Variants in MAN2A1 observed in about 807,000 individuals in gnomAD.
The protein encoded by MAN2A1 is mannosidase alpha class 2A member 1, also known as alpha-mannosidase 2.
In MAN2A1, 76 loss-of-function variants were observed where a neutral mutation model predicts 142.6. The ratio of observed to expected loss-of-function variants is 0.53; its 90% CI spans 0.44 to 0.65. MAN2A1 has a LOEUF of 0.65. Ranked by LOEUF, MAN2A1 falls within the 30% of genes least tolerant of loss-of-function variation. The probability of loss-of-function intolerance (pLI) is 0.00; values close to 1 mark genes in which losing one functional copy is unlikely to be tolerated. For synonymous variants in MAN2A1, 559 were observed against 473.2 expected (o/e 1.18, Z -2.35); for missense variants, 1,311 against 1,365.1 (o/e 0.96, Z 0.62).
At chr5:109,744,587 A>T (rs1386842579) in intron 4 of MAN2A1, among the ~76,000 whole-genome samples, 1 of 152,184 alleles carries the variant, frequency 6.6e-6, no homozygotes, top group African/African-American at 2.4e-5. Flanking sequence ...CAACCCTTTT[A>T]GAATGGCTAA....
intron 16 of MAN2A1, among the ~76,000 whole-genome samples, chr5:109,835,914 C>T (rs1033308367): frequency 6.6e-6 from 1 of 152,016 alleles, no homozygotes; most frequent in African/African-American, 2.4e-5. Context: ...GTTGGTGGTA[C>T]AGAGGAAGTA....
chr5:109,817,456 A>G lies in MAN2A1; in HGVS notation c.2109+18A>G, dbSNP rs1191782376. 1 of 1,612,684 alleles carries G rather than the reference A, an allele frequency of 6.2e-7. No homozygotes were observed. The highest frequency in any genetic ancestry group is 1.3e-5 in the African/African-American group (1 of 74,996). ...CCTATGAGGTATGTTGTAGCCATAG[A>G]ACTTAAGGAGGCATTGTAAAACAAA... On this transcript the variant is annotated intron_variant, in intron 13 of 21. Transcript: ENST00000261483.
chr5:109,820,398 AG>A, intron 15 of MAN2A1, 56 bp downstream of exon 15: 1 of 1,507,884 alleles, frequency 6.6e-7, no homozygotes, highest in Non-Finnish European at 9.0e-7. Context: ...AAGAGTATTG[AG>A]GAAAAAGATA....
At chr5:109,699,203 C>G (rs1290423700) in intron 1 of MAN2A1, among the ~76,000 whole-genome samples, 1 of 152,190 alleles carries the variant, frequency 6.6e-6, no homozygotes, top group Non-Finnish European at 1.5e-5. Flanking sequence ...CCTTCTCCCA[C>G]TCAATTTCTC....
chr5:109,818,849 G>C (rs1754542370), intron 13 of MAN2A1, among the ~76,000 whole-genome samples: 1 of 152,092 alleles, frequency 6.6e-6, no homozygotes, highest in African/African-American at 2.4e-5. Context: ...AGACATGTAT[G>C]GTTTACCCAT....
intron 3 of MAN2A1, 79 bp downstream of exon 3, chr5:109,716,343 G>T: frequency 8.5e-7 from 1 of 1,171,508 alleles, no homozygotes; most frequent in Non-Finnish European, 1.2e-6. Flanking sequence ...ATCTGGTAGA[G>T]GCCACTTCTC....
At chr5:109,745,672 G>A (rs1056217678) in intron 4 of MAN2A1, among the ~76,000 whole-genome samples, 4 of 152,120 alleles carry the variant, frequency 2.6e-5, no homozygotes, top group Admixed American at 1.3e-4. Flanking sequence ...AGGCTGGAGT[G>A]CAGTGGTACT....
intron 3 of MAN2A1, among the ~76,000 whole-genome samples, chr5:109,717,952 C>T (rs1261541540): frequency 6.6e-6 from 1 of 152,198 alleles, no homozygotes; most frequent in Middle Eastern, 3.2e-3. Context: ...TTACTAGACT[C>T]ACACTCAGTG....
chr5:109,724,712 T>G (rs1207659390), intron 3 of MAN2A1, among the ~76,000 whole-genome samples: 1 of 152,142 alleles, frequency 6.6e-6, no homozygotes, highest in African/African-American at 2.4e-5. Flanking sequence ...AAATCATTAT[T>G]ATAGCAATCA....
At chr5:109,714,099 T>G (rs539386147) in intron 2 of MAN2A1, among the ~76,000 whole-genome samples, 193 of 152,212 alleles carry the variant, frequency 1.3e-3, no homozygotes, top group African/African-American at 4.4e-3. Flanking sequence ...TTTACCTTCC[T>G]TTGGAGAATA....
At chr5:109,712,840 A>G (rs1359038354) in intron 1 of MAN2A1, among the ~76,000 whole-genome samples, 1 of 152,192 alleles carries the variant, frequency 6.6e-6, no homozygotes, top group East Asian at 1.9e-4. Flanking sequence ...AACAAGGTAA[A>G]GATTGTCCCT....
chr5:109,794,540 G>A (rs756164682), intron 12 of MAN2A1, among the ~76,000 whole-genome samples: 7 of 152,078 alleles, frequency 4.6e-5, no homozygotes, highest in Non-Finnish European at 8.8e-5. Context: ...TAGAATACAG[G>A]ATTTGACATC....
In MAN2A1 at chr5:109,792,140, C is replaced by T. The variant is rs76539217; in HGVS notation, c.1943+2613C>T. On this transcript the variant is annotated intron_variant, in intron 12 of 21. Transcript: ENST00000261483. ...TGTTTAATGGTTCTCCCTGGATGAC[C>T]TCCCAGCACCAATAATTTAAGTTCC... is the stretch of plus-strand genomic sequence containing the variant. 5.0e-3 allele frequency among the ~76,000 whole-genome samples: 761 copies of T among 152,178 alleles called. 6 individuals are homozygous for T. The highest frequency in any genetic ancestry group is 0.017 in the African/African-American group (717 of 41,536).
chr5:109,691,449 C>T (rs900524236), intron 1 of MAN2A1, among the ~76,000 whole-genome samples: 1 of 152,082 alleles, frequency 6.6e-6, no homozygotes, highest in Non-Finnish European at 1.5e-5. Flanking sequence ...AACGAATGAA[C>T]CTGAAGAACT....
intron 9 of MAN2A1, among the ~76,000 whole-genome samples, chr5:109,782,664 T>A (rs1041237754): frequency 3.3e-5 from 5 of 152,152 alleles, no homozygotes; most frequent in Non-Finnish European, 7.4e-5. Context: ...TGTATTTTTA[T>A]ATGGTAGTTT....
chr5:109,752,640 A>G (rs1421788097), intron 4 of MAN2A1, among the ~76,000 whole-genome samples: 2 of 152,172 alleles, frequency 1.3e-5, no homozygotes, highest in Non-Finnish European at 2.9e-5. Flanking sequence ...GTGCACATGA[A>G]GACATCTCTG....
In MAN2A1 at chr5:109,707,061, G is replaced by T. The variant is rs984524595; in HGVS notation, c.136-6459G>T. On this transcript the variant is annotated intron_variant, in intron 1 of 21. Coordinates refer to ENST00000261483, the MANE Select transcript of MAN2A1 (RefSeq NM_002372.4). ...ATGGTAGTGAAAATGGAAAACTTTT[G>T]ATTGGACTGTACAGAATCCATAATC... is the stretch of plus-strand genomic sequence containing the variant. 2.6e-5 allele frequency among the ~76,000 whole-genome samples: 4 copies of T among 152,106 alleles called. No homozygotes were observed. The South Asian group carries it at 6.2e-4, about 24-fold the overall frequency.
chr5:109,829,493 G>A (rs1473374051), intron 16 of MAN2A1, among the ~76,000 whole-genome samples: 3 of 152,182 alleles, frequency 2.0e-5, no homozygotes, highest in Admixed American at 6.5e-5. Flanking sequence ...AATGCCTTGA[G>A]CATCCCAAAA....
chr5:109,777,295 A>AT (rs930183651), intron 8 of MAN2A1, among the ~76,000 whole-genome samples: 2 of 151,668 alleles, frequency 1.3e-5, no homozygotes, highest in Non-Finnish European at 2.9e-5. Context: ...GGATGGTTTT[A>AT]TTTTTTATTT....
Sources: allele counts gnomAD v4.1 joint callset (sites outside exome capture counted in the v4.1 genomes callset), GRCh38; gene constraint gnomAD v4.1.1; transcripts MANE v1.5; gene names NCBI Gene and HGNC (gene_info 2026-07-23, HGNC 2026-07-21).